Variants in DPP10 observed in about 807,000 individuals in gnomAD.
DPP10 encodes the protein inactive dipeptidyl peptidase 10.
Under a neutral mutation model 120.9 loss-of-function variants are expected in DPP10, and 33 were observed. The ratio of observed to expected loss-of-function variants is 0.27; its 90% confidence interval spans 0.21 to 0.37. The LOEUF (loss-of-function observed/expected upper bound fraction) is 0.37, where lower values mean the gene tolerates loss of function less well. Ranked by LOEUF, DPP10 falls within the 10% of genes least tolerant of loss-of-function variation. DPP10 has a pLI of 1.00. For missense variants in DPP10, 816 were observed against 942.8 expected, an observed-to-expected ratio of 0.87 and a Z score of 1.76; for synonymous variants, 337 against 326.1, an observed-to-expected ratio of 1.03 and a Z score of -0.36.
intron 1 of DPP10, among the ~76,000 whole-genome samples, chr2:114,728,807 T>C (rs189828942): frequency 1.1e-3 from 173 of 152,320 alleles, no homozygotes; most frequent in African/African-American, 3.8e-3. Flanking sequence ...AAATTACACG[T>C]ATGGGGGTGG....
At chr2:115,569,168 G>A (rs2081195746) in intron 5 of DPP10, among the ~76,000 whole-genome samples, 1 of 152,178 alleles carries the variant, frequency 6.6e-6, no homozygotes, top group African/African-American at 2.4e-5. Flanking sequence ...AATTCATACA[G>A]CAAGTAATTG....
intron 1 of DPP10, among the ~76,000 whole-genome samples, chr2:114,550,000 G>A (rs1259967495): frequency 6.6e-6 from 1 of 152,106 alleles, no homozygotes; most frequent in South Asian, 2.1e-4. Flanking sequence ...AAAACTTAGG[G>A]ACCACCGCTG....
chr2:114,920,674 T>C lies in DPP10; in HGVS notation c.61-388565T>C, dbSNP rs148442064. Among the ~76,000 whole-genome samples, 71 of 152,336 alleles carry C rather than the reference T, an allele frequency of 4.7e-4. 1 individual carries two copies. In the East Asian group the frequency reaches 0.013, roughly 27 times the overall value. Reference sequence around the variant, plus strand: ...AGATGTGCACATCCAATTGCATAAATGAAAACTTACTGTTATGCCTCATAA... The same window carrying C: ...AGATGTGCACATCCAATTGCATAAACGAAAACTTACTGTTATGCCTCATAA... On this transcript the variant is annotated intron_variant, in intron 1 of 25. Transcript: ENST00000410059.
chr2:114,559,669 G>GAGGGA lies in DPP10; in HGVS notation c.60+116832_60+116836dup, dbSNP rs1341078033. 8.5e-5 allele frequency among the ~76,000 whole-genome samples: 13 copies of GAGGGA among 152,246 alleles called. 1 individual carries two copies. Among genetic ancestry groups the GAGGGA allele is most frequent in the African/African-American group, 3.1e-4 (13 of 41,554 alleles). Reference sequence around the variant, plus strand: ...AATTCACACACCTGGAATCTCCAGAGAGGGAGTTCTAGAGTGTGGGACTCT... The same window carrying GAGGGA: ...AATTCACACACCTGGAATCTCCAGAGAGGGAAGGGAGTTCTAGAGTGTGGGACTCT... On this transcript the variant is annotated intron_variant, in intron 1 of 25. Transcript: ENST00000410059.
chr2:114,817,529 G>A (rs1429755657), intron 1 of DPP10, among the ~76,000 whole-genome samples: 1 of 152,150 alleles, frequency 6.6e-6, no homozygotes, highest in Non-Finnish European at 1.5e-5. Flanking sequence ...TGAAGGAGGG[G>A]CCAGCCAATA....
intron 1 of DPP10, among the ~76,000 whole-genome samples, chr2:115,061,242 C>T (rs1443845597): frequency 6.6e-6 from 1 of 152,148 alleles, no homozygotes; most frequent in African/African-American, 2.4e-5. Flanking sequence ...AGTGTCTGAC[C>T]TCTGTGGGAT....
chr2:115,176,264 A>G (rs1443636207), intron 1 of DPP10, among the ~76,000 whole-genome samples: 1 of 147,774 alleles, frequency 6.8e-6, no homozygotes, highest in Non-Finnish European at 1.5e-5. Flanking sequence ...TTTATATTTT[A>G]TATATTTTAT....
chr2:115,403,231 C>T (rs1036166086), intron 3 of DPP10, among the ~76,000 whole-genome samples: 2 of 151,764 alleles, frequency 1.3e-5, no homozygotes, highest in South Asian at 2.1e-4. Context: ...CAACAATTAA[C>T]TATACGGAAA....
intron 1 of DPP10, chr2:115,162,029 G>C (rs1237928336): frequency 7.1e-7 from 1 of 1,412,550 alleles, no homozygotes. Context: ...GGCGGACCAG[G>C]TGAGAGTCGG....
rs560268442 is a variant in DPP10 at position 115,686,463 on chromosome 2, T to C, written c.442-3224T>C. 8.5e-5 allele frequency among the ~76,000 whole-genome samples: 13 copies of C among 152,104 alleles called. No individual in the cohort carries two copies. The South Asian group carries it at 1.2e-3, about 15-fold the overall frequency. On this transcript the variant is annotated intron_variant, in intron 5 of 25. Coordinates refer to ENST00000410059, the MANE Select transcript of DPP10 (RefSeq NM_020868.6). ...AGAGGCTCACAGGAACCTGATCCTG[T>C]ATTTCTCCTAGGAGCAATGATTCAG... is the stretch of plus-strand genomic sequence containing the variant.
intron 1 of DPP10, among the ~76,000 whole-genome samples, chr2:114,729,197 C>T (rs755701327): frequency 6.6e-5 from 10 of 152,208 alleles, no homozygotes; most frequent in Non-Finnish European, 1.2e-4. Context: ...GTACCTAATG[C>T]ATTCAACCAA....
intron 17 of DPP10, among the ~76,000 whole-genome samples, chr2:115,787,268 A>G (rs1683450068): frequency 6.6e-6 from 1 of 152,222 alleles, no homozygotes; most frequent in South Asian, 2.1e-4. Flanking sequence ...ACTCATAAAT[A>G]GGAGAAAGAT....
intron 21 of DPP10, among the ~76,000 whole-genome samples, chr2:115,833,775 C>T (rs1689165390): frequency 6.6e-6 from 1 of 152,188 alleles, no homozygotes; most frequent in African/African-American, 2.4e-5. Flanking sequence ...CTTAAGTTTT[C>T]ATCCCTGAGA....
chr2:114,468,853 T>C (rs1017574665), intron 1 of DPP10, among the ~76,000 whole-genome samples: 5 of 152,190 alleles, frequency 3.3e-5, no homozygotes, highest in African/African-American at 1.2e-4. Flanking sequence ...CATTGAAATA[T>C]CGCATTTCAT....
chr2:114,882,565 G>T lies in DPP10; in HGVS notation c.61-426674G>T, dbSNP rs547916582. ...TGAGGGCTAAATGACTAAATATCAG[G>T]TATAACTGGGTGCAGTGTACACTGC... On this transcript the variant is annotated intron_variant, in intron 1 of 25. Transcript: ENST00000410059. Among the ~76,000 whole-genome samples, 6 of 152,092 alleles carry T rather than the reference G, an allele frequency of 3.9e-5. No individual in the cohort carries two copies. In the South Asian group the frequency reaches 1.0e-3, roughly 26 times the overall value.
intron 1 of DPP10, among the ~76,000 whole-genome samples, chr2:114,795,380 A>G (rs1683615788): frequency 6.6e-6 from 1 of 151,968 alleles, no homozygotes; most frequent in Non-Finnish European, 1.5e-5. Context: ...AATCCCAGCC[A>G]TTTGGGAGGC....
intron 1 of DPP10, among the ~76,000 whole-genome samples, chr2:115,081,871 G>A (rs1254053397): frequency 2.6e-5 from 4 of 152,190 alleles, no homozygotes; most frequent in Admixed American, 1.3e-4. Context: ...TATCAAGAAG[G>A]AGTCTTATTA....
chr2:115,622,821 C>T (rs1357857866), intron 5 of DPP10, among the ~76,000 whole-genome samples: 2 of 131,322 alleles, frequency 1.5e-5, no homozygotes, highest in Admixed American at 8.8e-5. Flanking sequence ...CACCCCCATT[C>T]GTTTATTCTT....
intron 1 of DPP10, among the ~76,000 whole-genome samples, chr2:114,923,539 C>T (rs759771112): frequency 4.8e-5 from 6 of 124,696 alleles, no homozygotes; most frequent in African/African-American, 9.4e-5. Context: ...AGTGCAATGG[C>T]GTGATCTCAG....
Sources: gnomAD v4.1 joint callset for allele counts (sites outside exome capture counted in the v4.1 genomes callset) on GRCh38, gnomAD v4.1.1 for gene constraint, MANE v1.5 for transcripts, NCBI Gene and HGNC (gene_info 2026-07-23, HGNC 2026-07-21) for gene names.